The following CAMTA1 variants were observed in gnomAD, a reference collection of about 807,000 sequenced individuals.
CAMTA1 encodes calmodulin-binding transcription activator 1.
CAMTA1 carries 27 observed loss-of-function variants against 170.9 expected under a neutral mutation model. The observed-to-expected ratio is 0.16, with a 90% CI of 0.12 to 0.22. CAMTA1 has a LOEUF of 0.22. CAMTA1 is among the 10% of genes least tolerant of loss of function. The pLI is 1.00. For missense variants in CAMTA1, 1,619 were observed against 2,217.2 expected, an observed-to-expected ratio of 0.73 and a Z score of 5.42; for synonymous variants, 833 against 891.5, an observed-to-expected ratio of 0.93 and a Z score of 1.17.
At chr1:7,091,677 A>G (rs1214887966) in intron 4 of CAMTA1, among the ~76,000 whole-genome samples, 1 of 152,176 alleles carries the variant, frequency 6.6e-6, no homozygotes, top group African/African-American at 2.4e-5. Context: ...ATTTTGGGAA[A>G]TTGCTCGCCT....
intron 3 of CAMTA1, among the ~76,000 whole-genome samples, chr1:7,020,586 T>A (rs999914147): frequency 6.6e-6 from 1 of 152,222 alleles, no homozygotes; most frequent in African/African-American, 2.4e-5. Flanking sequence ...AATTGACAAA[T>A]GATTTCTGAC....
At chr1:6,976,477 G>A (rs533308365) in intron 3 of CAMTA1, among the ~76,000 whole-genome samples, 1 of 152,308 alleles carries the variant, frequency 6.6e-6, no homozygotes, top group East Asian at 1.9e-4. Flanking sequence ...TGTGCAAGGG[G>A]GACGTGGGAG....
chr1:7,280,515 A>C (rs1181316519), intron 5 of CAMTA1, among the ~76,000 whole-genome samples: 1 of 152,220 alleles, frequency 6.6e-6, no homozygotes, highest in African/African-American at 2.4e-5. Context: ...GGGTGGGCCC[A>C]GGGTGCCACG....
rs1053128290 is a variant in CAMTA1 at position 7,588,100 on chromosome 1, T to G, written c.511-52300T>G. On this transcript the variant is annotated intron_variant, in intron 6 of 22. Coordinates refer to ENST00000303635, the MANE Select transcript of CAMTA1 (RefSeq NM_015215.4). The surrounding 1 kb of genome is among the most constrained non-coding windows in gnomAD (Gnocchi z 5.8). Reference sequence around the variant, plus strand: ...GCCTGGCAGTGGCCCAGGGTGCTGTTCTGGGTCACTGGGGCTATGGGACTA... The same window carrying G: ...GCCTGGCAGTGGCCCAGGGTGCTGTGCTGGGTCACTGGGGCTATGGGACTA... 6.6e-6 allele frequency among the ~76,000 whole-genome samples: 1 copy of G among 152,090 alleles called. No individual in the cohort carries two copies. Among genetic ancestry groups the G allele is most frequent in the Non-Finnish European group, 1.5e-5 (1 of 68,018 alleles).
chr1:7,374,875 C>T (rs1341764927), intron 5 of CAMTA1, among the ~76,000 whole-genome samples: 2 of 152,214 alleles, frequency 1.3e-5, no homozygotes, highest in East Asian at 1.9e-4. Flanking sequence ...AGCTAGTCGG[C>T]AGCGGGACCA....
In CAMTA1 at chr1:7,737,337, C is replaced by T. The variant is rs779280439; in HGVS notation, c.3425C>T (p.Ser1142Phe). The T allele has an allele frequency of 6.2e-7, 1 of 1,614,186 alleles. No individual in the cohort carries two copies. The highest frequency in any genetic ancestry group is 1.1e-5 in the South Asian group (1 of 91,084). The change falls in exon 15 of 23, where the codon TCT (serine) becomes TTT (phenylalanine). Residue 1142 changes from serine to phenylalanine, a missense_variant. By Grantham distance (155) the Ser-to-Phe change is radical. Coordinates refer to ENST00000303635, the MANE Select transcript of CAMTA1 (RefSeq NM_015215.4). ...CGTCGGGCCATCTCGATTCCCGACT[C>T]TCTAGGAAGGCTGCCTTTGGGAATT... ...WDRRAISIPD[S>F]LGRLPLGIAR...
intron 6 of CAMTA1, among the ~76,000 whole-genome samples, chr1:7,524,116 T>A (rs1235691550): frequency 7.0e-6 from 1 of 143,182 alleles, no homozygotes; most frequent in Non-Finnish European, 1.5e-5. Flanking sequence ...GCAGAAGAAC[T>A]GCTTGAACCT....
intron 3 of CAMTA1, among the ~76,000 whole-genome samples, chr1:6,830,669 A>G (rs1372222373): frequency 6.6e-6 from 1 of 151,898 alleles, no homozygotes; most frequent in Non-Finnish European, 1.5e-5. Context: ...GGTTTAATTT[A>G]TGTATTACAA....
At chr1:7,319,298 G>A (rs1447027867) in intron 5 of CAMTA1, among the ~76,000 whole-genome samples, 1 of 152,144 alleles carries the variant, frequency 6.6e-6, no homozygotes, top group Non-Finnish European at 1.5e-5. Context: ...TGTTGGAGAG[G>A]GGGCCTGGTG....
At chr1:7,049,035 G>C (rs988417724) in intron 3 of CAMTA1, among the ~76,000 whole-genome samples, 1 of 152,230 alleles carries the variant, frequency 6.6e-6, no homozygotes, top group African/African-American at 2.4e-5. Flanking sequence ...ATTTTAACAA[G>C]TAGTTCCCTG....
At chr1:7,666,685 C>T (rs941493076) in intron 9 of CAMTA1, among the ~76,000 whole-genome samples, 4 of 152,314 alleles carry the variant, frequency 2.6e-5, no homozygotes, top group South Asian at 2.1e-4. Context: ...ACGGCCCACT[C>T]GGCTGGAGAA....
At chr1:7,371,920 G>T (rs75771783) in intron 5 of CAMTA1, among the ~76,000 whole-genome samples, 6 of 152,180 alleles carry the variant, frequency 3.9e-5, no homozygotes, top group East Asian at 1.9e-4. Flanking sequence ...ATCTAGGAAG[G>T]TTCTGCATCA....
chr1:7,665,273 G>A lies in CAMTA1; in HGVS notation c.2652+74G>A. On this transcript the variant is annotated intron_variant, in intron 9 of 22. Coordinates refer to ENST00000303635, the MANE Select transcript of CAMTA1 (RefSeq NM_015215.4). This position sits in a 1 kb window ranked among gnomAD's most constrained non-coding sequence, Gnocchi z 4.3. ...TCGCCAGCCCCTGCGCCACCCTGCAGCTAAGGGATGCCTGTGGCTGCCCTT... is the reference window on the plus strand; with the variant it reads ...TCGCCAGCCCCTGCGCCACCCTGCAACTAAGGGATGCCTGTGGCTGCCCTT... 1 of 1,260,888 alleles carries A rather than the reference G, an allele frequency of 7.9e-7. No homozygotes were observed. The highest frequency in any genetic ancestry group is 1.5e-5 in the African/African-American group (1 of 66,960). The allele number at this position is 1,260,888 out of a possible 1,614,324, so 78.1% of individuals were successfully genotyped here. A position where few individuals can be genotyped will look rare whatever the true frequency, so the allele number is the denominator to read the frequency against.
intron 7 of CAMTA1, among the ~76,000 whole-genome samples, chr1:7,651,389 G>A (rs569731149): frequency 1.1e-4 from 17 of 152,212 alleles, no homozygotes; most frequent in Non-Finnish European, 2.4e-4. Flanking sequence ...GGTGCCGCCT[G>A]TACAGTTACC....
At chr1:7,498,953 GTGT>G in intron 6 of CAMTA1, among the ~76,000 whole-genome samples, 1 of 146,348 alleles carries the variant, frequency 6.8e-6, no homozygotes. Flanking sequence ...GTCCATGAGT[GTGT>G]AGAGAGGATT....
At position 6,919,342 on chromosome 1, in the gene CAMTA1, G is replaced by C. The variant is rs189078810; in HGVS notation, c.234+94132G>C. Among the ~76,000 whole-genome samples the C allele has an allele frequency of 1.2e-3, 180 of 152,376 alleles. 1 individual carries two copies. The highest frequency in any genetic ancestry group is 4.2e-3 in the African/African-American group (176 of 41,598). Reference sequence around the variant, plus strand: ...GCAAGTCAGGGGTTCTGAGGCAGGAGGATGCTGCCTCTGGTGGATGGGCAT... The same window carrying C: ...GCAAGTCAGGGGTTCTGAGGCAGGACGATGCTGCCTCTGGTGGATGGGCAT... On this transcript the variant is annotated intron_variant, in intron 3 of 22. Transcript: ENST00000303635.
intron 5 of CAMTA1, among the ~76,000 whole-genome samples, chr1:7,404,119 A>G (rs1176820047): frequency 2.0e-5 from 3 of 152,010 alleles, no homozygotes; most frequent in Non-Finnish European, 2.9e-5. Context: ...ACAAGGGAGG[A>G]CACTGCCCCA....
chr1:7,098,096 G>A (rs940065890), intron 4 of CAMTA1, among the ~76,000 whole-genome samples: 1 of 100,346 alleles, frequency 1.0e-5, no homozygotes, highest in Non-Finnish European at 2.2e-5. Context: ...TGGGGTGGAC[G>A]AATTGTGTGT....
intron 3 of CAMTA1, among the ~76,000 whole-genome samples, chr1:6,826,019 C>A (rs1647061635): frequency 6.6e-6 from 1 of 152,092 alleles, no homozygotes; most frequent in African/African-American, 2.4e-5. Flanking sequence ...TGCCTTGGCT[C>A]AACATTGATG....
Sources: allele counts gnomAD v4.1 joint callset (sites outside exome capture counted in the v4.1 genomes callset), GRCh38; gene constraint gnomAD v4.1.1; non-coding constraint Gnocchi (gnomAD v3.1); transcripts MANE v1.5; gene names NCBI Gene and HGNC (gene_info 2026-07-23, HGNC 2026-07-21).